Variants in GLI3 observed in about 807,000 individuals in gnomAD.
The protein encoded by GLI3 is GLI family zinc finger 3.
GLI3 carries 20 observed loss-of-function variants against 100.8 expected under a neutral mutation model. The ratio of observed to expected loss-of-function variants is 0.20; its 90% confidence interval spans 0.14 to 0.29. The LOEUF is 0.29. GLI3 is among the 10% of genes least tolerant of loss of function. The pLI is 1.00. For synonymous variants in GLI3, 938 were observed against 860.5 expected (o/e 1.09, Z -1.58); for missense variants, 2,040 against 2,128.5 (o/e 0.96, Z 0.82).
At chr7:42,205,779 GA>G (rs1278389185) in intron 2 of GLI3, among the ~76,000 whole-genome samples, 6 of 152,150 alleles carry the variant, frequency 3.9e-5, no homozygotes, top group Non-Finnish European at 7.4e-5. Context: ...ATAAGTGACA[GA>G]TTTTTTTAAA....
At chr7:42,010,167 C>G (rs779374095) in intron 10 of GLI3, among the ~76,000 whole-genome samples, 6 of 152,190 alleles carry the variant, frequency 3.9e-5, no homozygotes, top group Admixed American at 6.5e-5. Flanking sequence ...CCAGGGAAGC[C>G]AGGATTGACA....
intron 4 of GLI3, among the ~76,000 whole-genome samples, chr7:42,068,915 C>G (rs1163860144): frequency 6.6e-6 from 1 of 152,078 alleles, no homozygotes; most frequent in Non-Finnish European, 1.5e-5. Context: ...TTCTCAAACA[C>G]ATACTTAAAA....
intron 2 of GLI3, among the ~76,000 whole-genome samples, chr7:42,221,300 A>C (rs1447830735): frequency 6.6e-6 from 1 of 152,216 alleles, no homozygotes; most frequent in African/African-American, 2.4e-5. Context: ...CACAAACAAC[A>C]GCATCTTCAT....
intron 3 of GLI3, among the ~76,000 whole-genome samples, chr7:42,138,220 C>A (rs1341478255): frequency 6.6e-6 from 1 of 152,110 alleles, no homozygotes; most frequent in Non-Finnish European, 1.5e-5. Context: ...GAGTGAGACT[C>A]GAGGCAGGTC....
chr7:42,016,573 G>A (rs1346044276), intron 10 of GLI3, among the ~76,000 whole-genome samples: 2 of 152,156 alleles, frequency 1.3e-5, no homozygotes, highest in African/African-American at 4.8e-5. Flanking sequence ...CTTGGGAGCA[G>A]AGCAGGCCGT....
At chr7:42,167,542 A>G (rs1026351968) in intron 2 of GLI3, among the ~76,000 whole-genome samples, 16 of 152,256 alleles carry the variant, frequency 1.1e-4, no homozygotes, top group Non-Finnish European at 2.2e-4. Context: ...AAATAGGTAT[A>G]TATACACTTG....
intron 7 of GLI3, among the ~76,000 whole-genome samples, chr7:42,038,243 C>T (rs1260396745): frequency 6.6e-6 from 1 of 152,174 alleles, no homozygotes; most frequent in African/African-American, 2.4e-5. Flanking sequence ...GGCATGCTTC[C>T]TCGGGGCCAG....
At chr7:42,102,020 A>C (rs1186959611) in intron 3 of GLI3, among the ~76,000 whole-genome samples, 2 of 151,690 alleles carry the variant, frequency 1.3e-5, no homozygotes, top group Admixed American at 1.3e-4. Flanking sequence ...TGAACTCATC[A>C]TTTTTTATGG....
At chr7:42,227,141 G>A (rs919723945) in intron 1 of GLI3, among the ~76,000 whole-genome samples, 1 of 152,198 alleles carries the variant, frequency 6.6e-6, no homozygotes, top group African/African-American at 2.4e-5. Context: ...TTTTTCAGAT[G>A]TGAATGAAAT....
intron 2 of GLI3, among the ~76,000 whole-genome samples, chr7:42,208,505 G>A (rs372363959): frequency 3.3e-5 from 5 of 152,186 alleles, no homozygotes; most frequent in South Asian, 2.1e-4. Context: ...CCCAGCTCCC[G>A]CCTGTAAATG....
At chr7:41,995,310 A>G (rs1427266904) in intron 10 of GLI3, among the ~76,000 whole-genome samples, 3 of 152,064 alleles carry the variant, frequency 2.0e-5, no homozygotes, top group Admixed American at 6.5e-5. Flanking sequence ...TGCTTGCGTT[A>G]TGCTCCTTCC....
Position 42,223,223 on chromosome 7 carries a change from T to C in GLI3, c.31A>G (p.Thr11Ala). Residue 11 changes from threonine (T) to alanine (A), a missense_variant, in exon 2 of 15, where the codon ACT becomes GCT. Transcript: ENST00000395925. ...GAATTCTCAACTTTTTTCTTTTCAG[T>C]GGTCGTGGAGCTGTGGGACTGGGCC... is the stretch of plus-strand genomic sequence containing the variant. MEAQSHSSTT[T>A]EKKKVENSIV... is the part of the protein sequence containing the mutation. 1 of 1,613,680 alleles carries C rather than the reference T, an allele frequency of 6.2e-7. No homozygotes were observed. The highest frequency in any genetic ancestry group is 8.5e-7 in the Non-Finnish European group (1 of 1,179,740).
At chr7:42,098,850 C>T (rs938989954) in intron 3 of GLI3, among the ~76,000 whole-genome samples, 1 of 152,190 alleles carries the variant, frequency 6.6e-6, no homozygotes, top group Admixed American at 6.5e-5. Flanking sequence ...GAGGATAGGT[C>T]GCAAATATCA....
chr7:42,181,012 C>T lies in GLI3; in HGVS notation c.125-32544G>A, dbSNP rs573188412. Among the ~76,000 whole-genome samples, 18 of 152,274 alleles carry T rather than the reference C, an allele frequency of 1.2e-4. No individual in the cohort carries two copies. In the East Asian group the frequency reaches 3.5e-3, roughly 29 times the overall value. ...TACAGTGTAAATATTTTCAGTTTTG[C>T]AGGCCAGTCTGTTGTAATTCTGCAA... On this transcript the variant is annotated intron_variant, in intron 2 of 14. Coordinates refer to ENST00000395925, the MANE Select transcript of GLI3 (RefSeq NM_000168.6).
chr7:42,194,740 T>C (rs907658963), intron 2 of GLI3, among the ~76,000 whole-genome samples: 3 of 147,672 alleles, frequency 2.0e-5, no homozygotes, highest in Non-Finnish European at 3.0e-5. Flanking sequence ...CTCTAATGCA[T>C]CAACTTCTCT....
chr7:42,179,960 G>T (rs955220436), intron 2 of GLI3, among the ~76,000 whole-genome samples: 22 of 152,230 alleles, frequency 1.4e-4, no homozygotes, highest in African/African-American at 4.6e-4. Context: ...AGTTTGGATG[G>T]GAGAGAGCAG....
intron 1 of GLI3, among the ~76,000 whole-genome samples, chr7:42,263,800 G>A (rs1789171942): frequency 6.6e-6 from 1 of 152,168 alleles, no homozygotes; most frequent in Non-Finnish European, 1.5e-5. Context: ...GAGGCTGCAA[G>A]TGTCTGGTGG....
intron 3 of GLI3, 106 bp from the exon 4 acceptor site, chr7:42,076,963 T>G (rs1246329350): frequency 5.3e-6 from 4 of 748,042 alleles, no homozygotes; most frequent in Non-Finnish European, 9.7e-6. Context: ...TACCTACACT[T>G]AATCTAAGAA....
In GLI3 at chr7:42,145,891, C is replaced by CA. The variant is rs549852998; in HGVS notation, c.367+2334dup. On this transcript the variant is annotated intron_variant, in intron 3 of 14. Transcript: ENST00000395925. The stretch of plus-strand genomic sequence containing the variant: ...TTCCACAAGAACACCATGGAGCAGG[C>CA]AGTCATATTATCACCCTATCCCACA... Among the ~76,000 whole-genome samples the CA allele has an allele frequency of 1.4e-3, 206 of 152,242 alleles. 1 individual carries two copies. The highest frequency in any genetic ancestry group is 2.5e-3 in the Non-Finnish European group (171 of 68,006).
Sources: allele counts gnomAD v4.1 joint callset (sites outside exome capture counted in the v4.1 genomes callset), GRCh38; gene constraint gnomAD v4.1.1; transcripts MANE v1.5; gene names NCBI Gene and HGNC (gene_info 2026-07-23, HGNC 2026-07-21).